The following FLRT2 variants were observed in gnomAD, a reference collection of about 807,000 sequenced individuals.
The protein encoded by FLRT2 is fibronectin leucine rich transmembrane protein 2.
Under a neutral mutation model 40.0 loss-of-function variants are expected in FLRT2, and 15 were observed. The ratio of observed to expected loss-of-function variants is 0.38; its 90% CI spans 0.25 to 0.58. The LOEUF is 0.58. Among genes scored for constraint, FLRT2 ranks in the 20% least tolerant of loss-of-function variants. The pLI is 0.71. For synonymous variants in FLRT2, 380 were observed against 336.8 expected, an observed-to-expected ratio of 1.13 and a Z score of -1.41; for missense variants, 726 against 840.0, an observed-to-expected ratio of 0.86 and a Z score of 1.68.
At chr14:85,545,763 G>T (rs1480495032) in intron 1 of FLRT2, among the ~76,000 whole-genome samples, 1 of 152,184 alleles carries the variant, frequency 6.6e-6, no homozygotes, top group Non-Finnish European at 1.5e-5. Flanking sequence ...CTAATGATTA[G>T]GGGCTATATT....
At chr14:85,546,742 A>G (rs1221797723) in intron 1 of FLRT2, among the ~76,000 whole-genome samples, 1 of 152,220 alleles carries the variant, frequency 6.6e-6, no homozygotes, top group Non-Finnish European at 1.5e-5. Context: ...GCATCCGTCA[A>G]GAATCAGCCT....
chr14:85,618,087 C>T (rs144896553), intron 1 of FLRT2, among the ~76,000 whole-genome samples: 12 of 152,306 alleles, frequency 7.9e-5, no homozygotes, highest in African/African-American at 2.2e-4. Context: ...GGAAAATTTA[C>T]GATCTGGATG....
chr14:85,612,896 C>A (rs954834646), intron 1 of FLRT2, among the ~76,000 whole-genome samples: 7 of 152,070 alleles, frequency 4.6e-5, no homozygotes, highest in East Asian at 1.9e-4. Context: ...TATCTTCGAC[C>A]GAAATGTGTA....
At chr14:85,545,248 GTTTA>G (rs1260198046) in intron 1 of FLRT2, among the ~76,000 whole-genome samples, 1 of 152,110 alleles carries the variant, frequency 6.6e-6, no homozygotes, top group African/African-American at 2.4e-5. Context: ...TGATCGTAAG[GTTTA>G]TTTAGAGTGC....
rs536315329 is a variant in FLRT2 at position 85,617,034 on chromosome 14, A to T, written c.-376-4105A>T. On this transcript the variant is annotated intron_variant, in intron 1 of 1. Coordinates refer to ENST00000330753, the MANE Select transcript of FLRT2 (RefSeq NM_013231.6). ...AAAGCACTTGTAAGAAGGTGTGTGT[A>T]GATCATCGGTTCTCAACAGTTGGCG... Among the ~76,000 whole-genome samples the T allele has an allele frequency of 9.9e-5, 15 of 152,178 alleles. No individual in the cohort carries two copies. The East Asian group carries it at 2.7e-3, about 27-fold the overall frequency.
At chr14:85,586,481 G>T (rs890719354) in intron 1 of FLRT2, among the ~76,000 whole-genome samples, 10 of 152,090 alleles carry the variant, frequency 6.6e-5, no homozygotes, top group Non-Finnish European at 4.4e-5. Context: ...TGAGAGTACT[G>T]TATTAAACAC....
At position 85,653,259 on chromosome 14, in the gene FLRT2, T is replaced by C. The variant is rs1894476528; in HGVS notation, c.*29762T>C. On this transcript the variant is annotated 3_prime_UTR_variant, in exon 2 of 2. Transcript: ENST00000330753. ...CAAAGTTGTAACCCTGCCCACAAAA[T>C]AGCTTTGCTAGGGAACAGATGTAAC... 1 of 152,094 alleles carries C rather than the reference T, an allele frequency of 6.6e-6. No homozygotes were observed. The highest frequency in any genetic ancestry group is 6.6e-5 in the Admixed American group (1 of 15,258). The allele number at this position is 152,094 out of a possible 1,614,324, so 9.4% of individuals were successfully genotyped here.
chr14:85,637,280 T>C lies in FLRT2; in HGVS notation c.*13783T>C, dbSNP rs1268382344. On this transcript the variant is annotated 3_prime_UTR_variant, in exon 2 of 2. Transcript: ENST00000330753. The stretch of plus-strand genomic sequence containing the variant: ...AAAGTTAAACTGCAGTAATTAAAAG[T>C]CATATAAGAATCACCATGGCATAGA... 2 of 152,158 alleles carry C rather than the reference T, an allele frequency of 1.3e-5. No homozygotes were observed. Among genetic ancestry groups the C allele is most frequent in the African/African-American group, 4.8e-5 (2 of 41,444 alleles). The allele number at this position is 152,158 out of a possible 1,614,324, so 9.4% of individuals were successfully genotyped here.
chr14:85,565,905 C>G (rs1890595406), intron 1 of FLRT2, among the ~76,000 whole-genome samples: 1 of 152,124 alleles, frequency 6.6e-6, no homozygotes, highest in Admixed American at 6.6e-5. Flanking sequence ...TGTTAGTCCT[C>G]CAGACAGAAA....
rs1351794302 is a variant in FLRT2 at position 85,628,604 on chromosome 14, C to G, written c.*5107C>G. ...TAGTCTCATATGATTTTTCAGAACC[C>G]CTTTTGCTAACCCCTCTTGGCCATT... is the stretch of plus-strand genomic sequence containing the variant. On this transcript the variant is annotated 3_prime_UTR_variant, in exon 2 of 2. Coordinates refer to ENST00000330753, the MANE Select transcript of FLRT2 (RefSeq NM_013231.6). 6.6e-6 allele frequency: 1 copy of G among 152,108 alleles called. No individual in the cohort carries two copies. Among genetic ancestry groups the G allele is most frequent in the Non-Finnish European group, 1.5e-5 (1 of 68,024 alleles). The allele number at this position is 152,108 out of a possible 1,614,324, so 9.4% of individuals were successfully genotyped here. A position where few individuals can be genotyped will look rare whatever the true frequency, so the allele number is the denominator to read the frequency against.
chr14:85,530,631 TG>T (rs569678663), intron 1 of FLRT2, 97 bp downstream of exon 1: 1,640 of 147,914 alleles, frequency 0.011, 32 homozygotes, highest in African/African-American at 0.039. Flanking sequence ...TTTTTTTTTT[TG>T]AAAGAGCTGG....
chr14:85,544,942 G>C (rs1400234270), intron 1 of FLRT2, among the ~76,000 whole-genome samples: 1 of 152,098 alleles, frequency 6.6e-6, no homozygotes, highest in African/African-American at 2.4e-5. Context: ...ATAGAGCACA[G>C]TTTGATATGC....
rs1566774498 is a variant in FLRT2, at chr14:85,643,341, TTCTTTCTTTCTTTC to T, written c.*19846_*19859del. 3 of 110,222 alleles carry T rather than the reference TTCTTTCTTTCTTTC, an allele frequency of 2.7e-5. No homozygotes were observed. The highest frequency in any genetic ancestry group is 1.0e-4 in the African/African-American group (3 of 28,616). The allele number at this position is 110,222 out of a possible 1,614,324, so 6.8% of individuals were successfully genotyped here. On this transcript the variant is annotated 3_prime_UTR_variant, in exon 2 of 2. Coordinates refer to ENST00000330753, the MANE Select transcript of FLRT2 (RefSeq NM_013231.6). ...TTTCTTTCTTTCTTTCTTTCTTTCT[TTCTTTCTTTCTTTC>T]TTCCTTCCTTCCTTCCTTCCTTTCT...
intron 1 of FLRT2, among the ~76,000 whole-genome samples, chr14:85,615,625 G>A (rs1893091737): frequency 6.6e-6 from 1 of 152,172 alleles, no homozygotes; most frequent in Non-Finnish European, 1.5e-5. Context: ...TTCAGGCTAC[G>A]GGGTGGCTAT....
Position 85,650,801 on chromosome 14 carries a change from G to T in FLRT2, c.*27304G>T, listed in dbSNP as rs920301326. ...TTCATATTCTCTATACATGCTGAAT[G>T]GTGTTAGCTAGCTATATTCTTTGCA... On this transcript the variant is annotated 3_prime_UTR_variant, in exon 2 of 2. Transcript: ENST00000330753. The T allele has an allele frequency of 6.6e-6, 1 of 151,118 alleles. No individual in the cohort carries two copies. The highest frequency in any genetic ancestry group is 1.5e-5 in the Non-Finnish European group (1 of 67,770). The allele number at this position is 151,118 out of a possible 1,614,324, so 9.4% of individuals were successfully genotyped here. A position where few individuals can be genotyped will look rare whatever the true frequency, so the allele number is the denominator to read the frequency against.
intron 1 of FLRT2, among the ~76,000 whole-genome samples, chr14:85,619,309 T>A (rs1159391796): frequency 6.6e-6 from 1 of 152,142 alleles, no homozygotes; most frequent in East Asian, 1.9e-4. Context: ...GGTCTCGAAC[T>A]CCTGGGCTCA....
rs758655824 is a variant in FLRT2, at chr14:85,627,519, C to T, written c.*4022C>T. On this transcript the variant is annotated 3_prime_UTR_variant, in exon 2 of 2. Coordinates refer to ENST00000330753, the MANE Select transcript of FLRT2 (RefSeq NM_013231.6). ...TACCTGCACACCCACCAGAAGAGCACAAAGCAAGGCCATTGCAACAGGCAT... is the reference window on the plus strand; with the variant it reads ...TACCTGCACACCCACCAGAAGAGCATAAAGCAAGGCCATTGCAACAGGCAT... 1.8e-5 allele frequency: 3 copies of T among 166,830 alleles called. No homozygotes were observed. The highest frequency in any genetic ancestry group is 4.4e-5 in the Non-Finnish European group (3 of 68,102). The allele number at this position is 166,830 out of a possible 1,614,324, so 10.3% of individuals were successfully genotyped here.
chr14:85,541,183 A>G (rs1440663455), intron 1 of FLRT2, among the ~76,000 whole-genome samples: 1 of 152,224 alleles, frequency 6.6e-6, no homozygotes, highest in African/African-American at 2.4e-5. Flanking sequence ...ATCAGAAAAT[A>G]TATTTAAGTC....
intron 1 of FLRT2, among the ~76,000 whole-genome samples, chr14:85,569,912 T>G (rs998616301): frequency 2.0e-5 from 3 of 152,210 alleles, no homozygotes. Context: ...AACATGACAG[T>G]GGGTCTTAGT....
Sources: allele counts gnomAD v4.1 joint callset (sites outside exome capture counted in the v4.1 genomes callset), GRCh38; gene constraint gnomAD v4.1.1; transcripts MANE v1.5; gene names NCBI Gene and HGNC (gene_info 2026-07-23, HGNC 2026-07-21).